The following SIK2 variants were observed in gnomAD, a reference collection of about 807,000 sequenced individuals.
SIK2 encodes the protein salt inducible kinase 2.
Under a neutral mutation model 103.2 loss-of-function variants are expected in SIK2, and 29 were observed. The ratio of observed to expected loss-of-function variants is 0.28; its 90% CI spans 0.21 to 0.38. SIK2 has a LOEUF of 0.38. Ranked by LOEUF, SIK2 falls within the 10% of genes least tolerant of loss-of-function variation. SIK2 has a pLI of 1.00. For synonymous variants in SIK2, 412 were observed against 446.1 expected (o/e 0.92, Z 0.96); for missense variants, 879 against 1,171.0 (o/e 0.75, Z 3.64).
intron 3 of SIK2, among the ~76,000 whole-genome samples, chr11:111,636,552 G>C (rs765981208): frequency 1.3e-5 from 2 of 152,162 alleles, no homozygotes; most frequent in African/African-American, 2.4e-5. Flanking sequence ...TGTGATGTCA[G>C]TGTTTCAAAG....
In SIK2 at chr11:111,727,267, TG is replaced by T. The variant is rs1591655834; in HGVS notation, c.*3142del. On this transcript the variant is annotated 3_prime_UTR_variant, in exon 15 of 15. Coordinates refer to ENST00000304987, the MANE Select transcript of SIK2 (RefSeq NM_015191.3). ...TCAGGGCCCACCAGGGGAGTGGGGA[TG>T]GGGCTCAGGGGCTGTTCATGCCCAT... The T allele has an allele frequency of 5.0e-6, 3 of 594,406 alleles. No homozygotes were observed. Among genetic ancestry groups the T allele is most frequent in the Non-Finnish European group, 9.0e-6 (3 of 333,390 alleles). The allele number at this position is 594,406 out of a possible 1,614,324, so 36.8% of individuals were successfully genotyped here.
intron 3 of SIK2, among the ~76,000 whole-genome samples, chr11:111,675,442 CTG>C (rs1591611159): frequency 1.3e-5 from 2 of 152,232 alleles, no homozygotes; most frequent in African/African-American, 4.8e-5. Context: ...TCACCATCCT[CTG>C]TGATTTCTAG....
chr11:111,720,579 C>T lies in SIK2; in HGVS notation c.1597C>T (p.Pro533Ser). The change falls in exon 11 of 15, where the codon CCT becomes TCT. Residue 533 changes from proline to serine, a missense_variant. Physicochemically the swap from Pro to Ser is moderately conservative, Grantham distance 74. Around this residue, in one of 7 missense-constraint regions of SIK2, gnomAD observed 222 missense variants for 258.0 expected, o/e 0.86. Transcript: ENST00000304987. ...GGACCTGAACTTTCTGGAAGACAAC[C>T]CTTCCCTTAAGGACATCATGTTAGC... ...QRDLNFLEDNPSLKDIMLANQ... is the reference protein window; with the variant it reads ...QRDLNFLEDNSSLKDIMLANQ... The T allele has an allele frequency of 6.2e-7, 1 of 1,614,084 alleles. No individual in the cohort carries two copies. Among genetic ancestry groups the T allele is most frequent in the Non-Finnish European group, 8.5e-7 (1 of 1,180,022 alleles).
Position 111,722,615 on chromosome 11 carries a change from C to A in SIK2, c.2056-50C>A. ...GCAGAAGCACATCTGATGACTGCAT[C>A]CTAGGTGACAGCACATTGTCACGCT... On this transcript the variant is annotated intron_variant, in intron 13 of 14. Coordinates refer to ENST00000304987, the MANE Select transcript of SIK2 (RefSeq NM_015191.3). This position sits in a 1 kb window ranked among gnomAD's most constrained non-coding sequence, Gnocchi z 4.4. 1.3e-6 allele frequency: 2 copies of A among 1,553,176 alleles called. No homozygotes were observed. Among genetic ancestry groups the A allele is most frequent in the Non-Finnish European group, 1.8e-6 (2 of 1,129,714 alleles).
At chr11:111,603,952 T>C (rs551037661) in intron 1 of SIK2, among the ~76,000 whole-genome samples, 2 of 152,350 alleles carry the variant, frequency 1.3e-5, no homozygotes, top group Non-Finnish European at 1.5e-5. Flanking sequence ...CTTAGAAGTT[T>C]TGCTTAATCC....
At chr11:111,667,654 G>A (rs1436502782) in intron 3 of SIK2, among the ~76,000 whole-genome samples, 4 of 151,782 alleles carry the variant, frequency 2.6e-5, no homozygotes, top group African/African-American at 7.3e-5. Context: ...CACCACGTCC[G>A]GCTTGTTTTT....
intron 1 of SIK2, among the ~76,000 whole-genome samples, chr11:111,606,453 A>AT (rs1371485660): frequency 6.6e-6 from 1 of 152,060 alleles, no homozygotes; most frequent in Non-Finnish European, 1.5e-5. Flanking sequence ...TGGTACATAT[A>AT]TATAAATTAT....
At chr11:111,715,793 CTTTTTTT>C (rs535843069) in intron 9 of SIK2, among the ~76,000 whole-genome samples, 109 of 81,594 alleles carry the variant, frequency 1.3e-3, no homozygotes, top group African/African-American at 5.0e-3. Flanking sequence ...TCATTTTTAG[CTTTTTTT>C]TTTTTTTTTT....
chr11:111,659,634 C>CTTTTTTTTTTTTTTTTTTTTTTTTTTT (rs1565337665), intron 3 of SIK2, among the ~76,000 whole-genome samples: 2 of 152,142 alleles, frequency 1.3e-5, no homozygotes, highest in African/African-American at 4.8e-5. Context: ...TTTTAAAGCT[C>CTTTTTTTTTTTTTTTTTTTTTTTTTTT]TTTCAGCTCA....
intron 2 of SIK2, among the ~76,000 whole-genome samples, chr11:111,618,608 C>T (rs1003632613): frequency 6.6e-6 from 1 of 152,050 alleles, no homozygotes; most frequent in Non-Finnish European, 1.5e-5. Context: ...GGCTGTAGTA[C>T]ACCTTAATTG....
chr11:111,605,918 G>T (rs1465368074), intron 1 of SIK2, among the ~76,000 whole-genome samples: 1 of 152,210 alleles, frequency 6.6e-6, no homozygotes, highest in Non-Finnish European at 1.5e-5. Context: ...GGGAAGACAG[G>T]TGGTGGTAGA....
chr11:111,614,104 C>G (rs865941800), intron 1 of SIK2, among the ~76,000 whole-genome samples: 1 of 128,150 alleles, frequency 7.8e-6, no homozygotes, highest in East Asian at 2.6e-4. Flanking sequence ...TTTTTTTTGA[C>G]AGAGTCTCGC....
At chr11:111,662,906 A>G (rs1296183858) in intron 3 of SIK2, among the ~76,000 whole-genome samples, 1 of 151,348 alleles carries the variant, frequency 6.6e-6, no homozygotes, top group Non-Finnish European at 1.5e-5. Flanking sequence ...ATATTTTTAA[A>G]ATAGCAAGTG....
chr11:111,704,539 T>A (rs1202430227), intron 7 of SIK2, among the ~76,000 whole-genome samples: 1 of 152,202 alleles, frequency 6.6e-6, no homozygotes, highest in African/African-American at 2.4e-5. Flanking sequence ...AACAGAAAGT[T>A]CTCCACATAC....
At chr11:111,652,412 GT>G (rs1482800251) in intron 3 of SIK2, among the ~76,000 whole-genome samples, 3 of 152,152 alleles carry the variant, frequency 2.0e-5, no homozygotes, top group African/African-American at 7.2e-5. Flanking sequence ...CCAGTTTGCA[GT>G]TTTGCCAAGA....
chr11:111,709,685 T>TA (rs1355073523), intron 8 of SIK2, among the ~76,000 whole-genome samples: 1 of 152,256 alleles, frequency 6.6e-6, no homozygotes, highest in African/African-American at 2.4e-5. Flanking sequence ...TGTATATTTA[T>TA]ACCCTCTCTT....
rs537259422 is a variant in SIK2 at position 111,643,186 on chromosome 11, C to G, written c.316+22784C>G. On this transcript the variant is annotated intron_variant, in intron 3 of 14. Transcript: ENST00000304987. ...CTTATTCATTTACTATATCCTCAAC[C>G]CCTAGTAAAGTGCTTTTGCACATCC... Among the ~76,000 whole-genome samples the G allele has an allele frequency of 1.6e-3, 243 of 152,200 alleles. 2 individuals are homozygous for G. Among genetic ancestry groups the G allele is most frequent in the African/African-American group, 5.4e-3 (225 of 41,504 alleles).
rs1944110048 is a variant in SIK2, at chr11:111,729,506, A to C, written c.*5377A>C. ...AAACCAAAGCTTTGGGAAGTTTGTG[A>C]CTTCTCTGAGATCACAGCTGGTGAT... On this transcript the variant is annotated 3_prime_UTR_variant, in exon 15 of 15. Coordinates refer to ENST00000304987, the MANE Select transcript of SIK2 (RefSeq NM_015191.3). 6.6e-6 allele frequency: 1 copy of C among 152,230 alleles called. No individual in the cohort carries two copies. Among genetic ancestry groups the C allele is most frequent in the Non-Finnish European group, 1.5e-5 (1 of 68,054 alleles). The allele number at this position is 152,230 out of a possible 1,614,324, so 9.4% of individuals were successfully genotyped here.
At chr11:111,668,521 A>G (rs1942580418) in intron 3 of SIK2, among the ~76,000 whole-genome samples, 1 of 152,208 alleles carries the variant, frequency 6.6e-6, no homozygotes, top group Non-Finnish European at 1.5e-5. Context: ...GGTCTGAGCT[A>G]TGACCAGTCA....
Sources: gnomAD v4.1 joint callset for allele counts (sites outside exome capture counted in the v4.1 genomes callset) on GRCh38, gnomAD v4.1.1 for gene constraint, gnomAD v4.1.1 regional missense constraint, Gnocchi (gnomAD v3.1) non-coding constraint, MANE v1.5 for transcripts, NCBI Gene and HGNC (gene_info 2026-07-23, HGNC 2026-07-21) for gene names.